The following RAD54L2 variants were observed in gnomAD, a reference collection of about 807,000 sequenced individuals.
RAD54L2 encodes the protein helicase ARIP4.
RAD54L2 carries 27 observed loss-of-function variants against 138.4 expected under a neutral mutation model. The observed-to-expected ratio is 0.20, with a 90% CI of 0.14 to 0.27. The LOEUF (loss-of-function observed/expected upper bound fraction) is 0.27. Ranked by LOEUF, RAD54L2 falls within the 10% of genes least tolerant of loss-of-function variation. The pLI is 1.00. For missense variants in RAD54L2, 1,396 were observed against 1,890.2 expected (o/e 0.74, Z 4.85); for synonymous variants, 644 against 723.2 (o/e 0.89, Z 1.76).
rs746316087 is a variant in RAD54L2 at position 51,646,467 on chromosome 3, C to T, written c.3012C>T (p.Phe1004=). 1 of 1,608,140 alleles carries T rather than the reference C, an allele frequency of 6.2e-7. No individual in the cohort carries two copies. Among genetic ancestry groups the T allele is most frequent in the South Asian group, 1.1e-5 (1 of 90,578 alleles). ...SDQSLTSIPA[F]SQRNWQPTLK... ...AGAGCCTGACCAGCATCCCCGCCTT[C>T]AGCCAGAGAAACTGGTGAGTTGCTG... is the stretch of plus-strand genomic sequence containing the variant. The change falls in exon 19 of 23, where the codon TTC becomes TTT. Residue 1004 remains phenylalanine, a synonymous_variant. Transcript: ENST00000684192.
chr3:51,624,618 A>G (rs538441812), intron 3 of RAD54L2, among the ~76,000 whole-genome samples: 1 of 152,238 alleles, frequency 6.6e-6, no homozygotes, highest in South Asian at 2.1e-4. Context: ...AGAGGTTACT[A>G]CAATTGTTCT....
rs1701266895 is a variant in RAD54L2, at chr3:51,645,909, C to A, written c.2829+146C>A. On this transcript the variant is annotated intron_variant, in intron 18 of 22. Coordinates refer to ENST00000684192, the MANE Select transcript of RAD54L2 (RefSeq NM_015106.4). The surrounding 1 kb of genome is among the most constrained non-coding windows in gnomAD (Gnocchi z 6.1). ...ACTTCTTTTTCTTGCCCCACTCAGT[C>A]CCCCTCCCTTCCCACAACCACTTAC... 9 of 887,764 alleles carry A rather than the reference C, an allele frequency of 1.0e-5. No individual in the cohort carries two copies. The East Asian group carries it at 2.4e-4, about 24-fold the overall frequency. 55.0% of individuals were successfully genotyped at this position (887,764 alleles called of 1,614,324 possible).
chr3:51,586,512 C>T (rs973322994), intron 2 of RAD54L2, among the ~76,000 whole-genome samples: 1 of 150,742 alleles, frequency 6.6e-6, no homozygotes. Context: ...CCTAAAAGTA[C>T]TTGCTAATTA....
chr3:51,542,199 T>TA (rs1169306792), intron 2 of RAD54L2, among the ~76,000 whole-genome samples: 4 of 152,242 alleles, frequency 2.6e-5, no homozygotes, highest in Non-Finnish European at 5.9e-5. Context: ...ATGGGCCTAA[T>TA]ACAGCCTTCT....
chr3:51,553,259 G>A (rs1277843648), intron 2 of RAD54L2, among the ~76,000 whole-genome samples: 1 of 152,054 alleles, frequency 6.6e-6, no homozygotes, highest in Non-Finnish European at 1.5e-5. Context: ...TGTATTTTTA[G>A]TAGAGATGGA....
rs745616677 is a variant in RAD54L2, at chr3:51,656,052, G to T, written c.3108G>T (p.Arg1036=). 3 of 1,613,910 alleles carry T rather than the reference G, an allele frequency of 1.9e-6. No individual in the cohort carries two copies. The highest frequency in any genetic ancestry group is 3.3e-5 in the Admixed American group (2 of 60,012). ...CCACCCCCATCCCCATGATGCCCCG[G>T]CATGTCCCATTGGGAGGAAGTGTAA... ...VQSTPIPMMP[R]HVPLGGSVSS... is the part of the protein sequence containing the mutation. The change falls in exon 20 of 23, where the codon CGG becomes CGT. Residue 1036 remains arginine (R), a synonymous_variant. Coordinates refer to ENST00000684192, the MANE Select transcript of RAD54L2 (RefSeq NM_015106.4).
rs765302310 is a variant in RAD54L2 at position 51,646,451 on chromosome 3, C to A, written c.2996C>A (p.Thr999Asn). The A allele has an allele frequency of 2.5e-6, 4 of 1,611,758 alleles. No individual in the cohort carries two copies. The African/African-American group carries it at 4.0e-5, about 16-fold the overall frequency. The change falls in exon 19 of 23, where the codon ACC (threonine) becomes AAC (asparagine). Residue 999 changes from threonine to asparagine, a missense_variant. By Grantham distance (65) the Thr-to-Asn change is moderately conservative. Coordinates refer to ENST00000684192, the MANE Select transcript of RAD54L2 (RefSeq NM_015106.4). ...TACCCTGCCAGCGATCAGAGCCTGA[C>A]CAGCATCCCCGCCTTCAGCCAGAGA... ...QYYPASDQSL[T>N]SIPAFSQRNW...
chr3:51,586,567 C>CT (rs35274115), intron 2 of RAD54L2, among the ~76,000 whole-genome samples: 2,313 of 136,824 alleles, frequency 0.017, 24 homozygotes, highest in South Asian at 0.023. Flanking sequence ...AAAGAAAACA[C>CT]TTTTTTTTTT....
chr3:51,660,276 G>GT (rs1701728465), intron 22 of RAD54L2, among the ~76,000 whole-genome samples, 158 bp downstream of exon 22: 1 of 151,262 alleles, frequency 6.6e-6, no homozygotes, highest in Non-Finnish European at 1.5e-5. Flanking sequence ...ATTTTTGTGT[G>GT]GTTTTTTTTT....
chr3:51,646,854 C>T (rs1470692897), intron 19 of RAD54L2, among the ~76,000 whole-genome samples: 2 of 152,118 alleles, frequency 1.3e-5, no homozygotes, highest in African/African-American at 2.4e-5. Flanking sequence ...AGGCTCTGTT[C>T]CCTTGGATTA....
In RAD54L2 at chr3:51,637,851, C is replaced by T. The variant is rs961069753; in HGVS notation, c.1683-293C>T. ...TTCCTTGTTGAGATGGCATATGGAG[C>T]GAAAGCTCAGAGAGGCAGCCCAAAT... On this transcript the variant is annotated intron_variant, in intron 11 of 22. Transcript: ENST00000684192. This position sits in a 1 kb window ranked among gnomAD's most constrained non-coding sequence, Gnocchi z 5.9. Among the ~76,000 whole-genome samples, 91 of 152,210 alleles carry T rather than the reference C, an allele frequency of 6.0e-4. No individual in the cohort carries two copies. Among genetic ancestry groups the T allele is most frequent in the African/African-American group, 2.0e-3 (83 of 41,454 alleles).
At chr3:51,566,610 T>C (rs983078311) in intron 2 of RAD54L2, among the ~76,000 whole-genome samples, 1 of 151,232 alleles carries the variant, frequency 6.6e-6, no homozygotes, top group African/African-American at 2.4e-5. Context: ...ACTATAGGCA[T>C]GCACCACCAT....
At chr3:51,547,607 G>A (rs1346140689) in intron 2 of RAD54L2, among the ~76,000 whole-genome samples, 1 of 149,434 alleles carries the variant, frequency 6.7e-6, no homozygotes, top group Non-Finnish European at 1.5e-5. Flanking sequence ...TTTGAGACAG[G>A]GTCTGACTCT....
At chr3:51,611,053 T>C (rs1345415411) in intron 3 of RAD54L2, among the ~76,000 whole-genome samples, 1 of 152,234 alleles carries the variant, frequency 6.6e-6, no homozygotes, top group East Asian at 1.9e-4. Context: ...GAAAATATTT[T>C]ATCACCTCTG....
chr3:51,651,926 G>T (rs1701448876), intron 19 of RAD54L2, among the ~76,000 whole-genome samples: 1 of 152,212 alleles, frequency 6.6e-6, no homozygotes, highest in Admixed American at 6.5e-5. Flanking sequence ...AGTGTTGGAA[G>T]TTCTGGCCAG....
intron 19 of RAD54L2, among the ~76,000 whole-genome samples, chr3:51,649,683 T>C (rs886196425): frequency 6.6e-6 from 1 of 152,196 alleles, no homozygotes; most frequent in Non-Finnish European, 1.5e-5. Context: ...CAGAATTTCA[T>C]ATCCAGCCAA....
In RAD54L2 at chr3:51,663,338, C is replaced by T. The variant is rs747147735; in HGVS notation, c.4322C>T (p.Ser1441Phe). The T allele has an allele frequency of 3.7e-6, 6 of 1,613,784 alleles. No individual in the cohort carries two copies. The East Asian group carries it at 1.1e-4, about 30-fold the overall frequency. ...CGGTCCCAGGTGCCTCCATTTGACT[C>T]TCATGAGGTTGCCGAGGTTGGGTTC... ...LLRSQVPPFD[S>F]HEVAEVGFSS... The change falls in exon 23 of 23, where the codon TCT (serine) becomes TTT (phenylalanine). Residue 1441 changes from serine to phenylalanine, a missense_variant. This residue lies in a region of RAD54L2 where 634 missense variants were observed against 711.2 expected (regional missense o/e 0.89). Transcript: ENST00000684192.
Position 51,668,261 on chromosome 3 carries a change from A to G in RAD54L2, c.*4841A>G, listed in dbSNP as rs1340723432. ...CAGAGAGGTCAGGGGAAGAGGGTCCAGGTGGGTTAAGGGGGGTCGCTATGG... is the reference window on the plus strand; with the variant it reads ...CAGAGAGGTCAGGGGAAGAGGGTCCGGGTGGGTTAAGGGGGGTCGCTATGG... On this transcript the variant is annotated 3_prime_UTR_variant, in exon 23 of 23. Coordinates refer to ENST00000684192, the MANE Select transcript of RAD54L2 (RefSeq NM_015106.4). 1 of 152,260 alleles carries G rather than the reference A, an allele frequency of 6.6e-6. No individual in the cohort carries two copies. The highest frequency in any genetic ancestry group is 1.5e-5 in the Non-Finnish European group (1 of 68,092). 9.4% of individuals were successfully genotyped at this position (152,260 alleles called of 1,614,324 possible).
At chr3:51,613,949 C>T (rs1377334555) in intron 3 of RAD54L2, among the ~76,000 whole-genome samples, 3 of 152,084 alleles carry the variant, frequency 2.0e-5, no homozygotes, top group Non-Finnish European at 2.9e-5. Context: ...CTACTGGAAT[C>T]GAGTGGATAG....
Sources: gnomAD v4.1 joint callset for allele counts (sites outside exome capture counted in the v4.1 genomes callset) on GRCh38, gnomAD v4.1.1 for gene constraint, gnomAD v4.1.1 regional missense constraint, Gnocchi (gnomAD v3.1) non-coding constraint, MANE v1.5 for transcripts, NCBI Gene and HGNC (gene_info 2026-07-23, HGNC 2026-07-21) for gene names.